The following ERC1 variants were observed in gnomAD, a reference collection of about 807,000 sequenced individuals.
ERC1 encodes RAB6 interacting protein 2.
In ERC1, 56 loss-of-function variants were observed where a neutral mutation model predicts 132.0. The ratio of observed to expected loss-of-function variants is 0.42; its 90% confidence interval spans 0.34 to 0.53. The LOEUF (loss-of-function observed/expected upper bound fraction) is 0.53. Among genes scored for constraint, ERC1 ranks in the 20% least tolerant of loss-of-function variants. The pLI is 0.03. For synonymous variants in ERC1, 478 were observed against 476.1 expected, an observed-to-expected ratio of 1.00 and a Z score of -0.05; for missense variants, 1,202 against 1,349.9, an observed-to-expected ratio of 0.89 and a Z score of 1.72.
intron 11 of ERC1, among the ~76,000 whole-genome samples, chr12:1,186,969 T>G (rs2154275444): frequency 6.6e-6 from 1 of 152,294 alleles, no homozygotes; most frequent in East Asian, 1.9e-4. Context: ...TAGCTGGGAT[T>G]ACAGGTGTGC....
At chr12:1,215,939 A>G (rs1468094199) in intron 12 of ERC1, among the ~76,000 whole-genome samples, 1 of 152,236 alleles carries the variant, frequency 6.6e-6, no homozygotes, top group Non-Finnish European at 1.5e-5. Context: ...AACTTTTATA[A>G]TTCAATTGTG....
intron 1 of ERC1, among the ~76,000 whole-genome samples, chr12:1,013,548 A>G (rs1965030169): frequency 6.6e-6 from 1 of 152,142 alleles, no homozygotes; most frequent in South Asian, 2.1e-4. Flanking sequence ...GCTCTGAAAC[A>G]GTGCTGCTTT....
chr12:1,073,056 C>A (rs906255568), intron 2 of ERC1, among the ~76,000 whole-genome samples: 1 of 152,088 alleles, frequency 6.6e-6, no homozygotes, highest in Admixed American at 6.5e-5. Flanking sequence ...AATCCCAGCA[C>A]TTTGGGAGGC....
chr12:1,009,472 C>G (rs367666507), intron 1 of ERC1, among the ~76,000 whole-genome samples: 1 of 152,154 alleles, frequency 6.6e-6, no homozygotes, highest in South Asian at 2.1e-4. Flanking sequence ...CCGCGCCCAG[C>G]CAAGATTTTG....
chr12:1,434,538 C>G (rs1434118412), intron 17 of ERC1, among the ~76,000 whole-genome samples: 1 of 152,188 alleles, frequency 6.6e-6, no homozygotes, highest in African/African-American at 2.4e-5. Context: ...TCCGTTCTGT[C>G]AAATGCTAGG....
chr12:1,043,360 A>G (rs1259337202), intron 2 of ERC1, among the ~76,000 whole-genome samples: 3 of 152,156 alleles, frequency 2.0e-5, no homozygotes, highest in Non-Finnish European at 4.4e-5. Flanking sequence ...AGTATTTTCA[A>G]GAGATGAAGC....
chr12:1,049,226 G>A (rs1971527889), intron 2 of ERC1, among the ~76,000 whole-genome samples: 5 of 152,198 alleles, frequency 3.3e-5, no homozygotes, highest in Admixed American at 3.3e-4. Flanking sequence ...TCTGTCCTCA[G>A]AAGTCACTGT....
At chr12:1,074,463 A>G (rs1256495741) in intron 2 of ERC1, among the ~76,000 whole-genome samples, 4 of 152,106 alleles carry the variant, frequency 2.6e-5, no homozygotes, top group East Asian at 3.9e-4. Context: ...ATGTCCAGCT[A>G]AGGTTCGTAG....
At chr12:1,325,049 CTGTT>C (rs1400263278) in intron 15 of ERC1, among the ~76,000 whole-genome samples, 6 of 151,990 alleles carry the variant, frequency 3.9e-5, no homozygotes, top group Admixed American at 6.6e-5. Flanking sequence ...AAATAATCAA[CTGTT>C]TGTAGAAAAA....
chr12:1,454,198 C>CT (rs2093482794), intron 18 of ERC1, among the ~76,000 whole-genome samples: 1 of 152,174 alleles, frequency 6.6e-6, no homozygotes, highest in Non-Finnish European at 1.5e-5. Context: ...GCCGAACACA[C>CT]GGAGGTGCTG....
intron 13 of ERC1, among the ~76,000 whole-genome samples, chr12:1,247,716 G>T (rs911441327): frequency 6.6e-6 from 1 of 152,200 alleles, no homozygotes; most frequent in African/African-American, 2.4e-5. Context: ...AGCTGATCAG[G>T]CCGGGCACGG....
At chr12:1,117,616 T>C (rs963683651) in intron 7 of ERC1, among the ~76,000 whole-genome samples, 3 of 152,246 alleles carry the variant, frequency 2.0e-5, no homozygotes, top group Non-Finnish European at 4.4e-5. Flanking sequence ...CACTTCACTT[T>C]TCACGTCTGT....
intron 1 of ERC1, among the ~76,000 whole-genome samples, chr12:999,765 T>C (rs79343886): frequency 0.021 from 3,185 of 152,130 alleles, 112 homozygotes; most frequent in African/African-American, 0.073. Context: ...CCAGCTAATT[T>C]TGTATTTTTA....
chr12:1,456,794 G>T (rs1355853829), intron 18 of ERC1, among the ~76,000 whole-genome samples: 1 of 151,876 alleles, frequency 6.6e-6, no homozygotes. Flanking sequence ...TCTCAAAGAG[G>T]GTGGCAGCTC....
chr12:1,314,654 A>G (rs1265796683), intron 15 of ERC1, among the ~76,000 whole-genome samples: 1 of 152,170 alleles, frequency 6.6e-6, no homozygotes, highest in African/African-American at 2.4e-5. Flanking sequence ...TACTGTAGTA[A>G]TTTGTGTGAA....
At chr12:1,143,141 C>T (rs1205495471) in intron 8 of ERC1, among the ~76,000 whole-genome samples, 3 of 152,242 alleles carry the variant, frequency 2.0e-5, no homozygotes, top group East Asian at 1.9e-4. Flanking sequence ...TGGCCTCAAG[C>T]GAGCCACCCA....
intron 17 of ERC1, among the ~76,000 whole-genome samples, chr12:1,440,405 A>C (rs538021733): frequency 1.3e-5 from 2 of 149,236 alleles, no homozygotes; most frequent in Non-Finnish European, 3.0e-5. Flanking sequence ...ACGGGGTTTC[A>C]CCGTGTTAGC....
chr12:1,295,050 T>C (rs780964531), intron 15 of ERC1, among the ~76,000 whole-genome samples: 2 of 152,232 alleles, frequency 1.3e-5, no homozygotes, highest in African/African-American at 2.4e-5. Flanking sequence ...TGCTTACCCG[T>C]GAAGCAGGCA....
intron 1 of ERC1, among the ~76,000 whole-genome samples, chr12:1,019,780 G>A (rs923649565): frequency 2.0e-5 from 3 of 152,026 alleles, no homozygotes; most frequent in African/African-American, 7.3e-5. Context: ...TGGAACTATC[G>A]TGGCTCGCTG....
Sources: allele counts gnomAD v4.1 joint callset (sites outside exome capture counted in the v4.1 genomes callset), GRCh38; gene constraint gnomAD v4.1.1; transcripts MANE v1.5; gene names NCBI Gene and HGNC (gene_info 2026-07-23, HGNC 2026-07-21).